The following SEPTIN6 variants were observed in gnomAD, a reference collection of about 807,000 sequenced individuals.
SEPTIN6 encodes the protein septin-6.
SEPTIN6 carries 8 observed loss-of-function variants against 33.6 expected under a neutral mutation model. That is an observed-to-expected ratio of 0.24 (90% CI 0.14 to 0.43). SEPTIN6 has a LOEUF of 0.43. Among genes scored for constraint, SEPTIN6 ranks in the 20% least tolerant of loss-of-function variants. SEPTIN6 has a pLI of 1.00. For synonymous variants in SEPTIN6, 131 were observed against 140.0 expected (o/e 0.94, Z 0.45); for missense variants, 250 against 340.8 (o/e 0.73, Z 2.10).
intron 7 of SEPTIN6, among the ~76,000 whole-genome samples, chrX:119,634,881 C>T (rs778643505): frequency 4.6e-5 from 5 of 108,995 alleles, no homozygotes; most frequent in Admixed American, 9.8e-5. Context: ...AGGTGGTGGG[C>T]GCCTGTAATC....
chrX:119,616,228 T>C (rs2053663912), downstream of SEPTIN6: 1 of 284,560 alleles, frequency 3.5e-6, no homozygotes, highest in Non-Finnish European at 6.4e-6. Context: ...GGTCTGCGAA[T>C]GCTGAAGAAG....
Position 119,649,964 on chromosome X carries a change from C to T in SEPTIN6, c.663G>A (p.Ser221=), listed in dbSNP as rs761312773. 25 of 1,209,666 alleles carry T rather than the reference C, an allele frequency of 2.1e-5. No individual in the cohort carries two copies. The highest frequency in any genetic ancestry group is 5.3e-5 in the South Asian group (3 of 56,840). Residue 221 remains serine (S), a synonymous_variant, in exon 5 of 11, where the codon TCG becomes TCA. Coordinates refer to ENST00000394610, the MANE Select transcript of SEPTIN6 (RefSeq NM_145799.4). ...TCATGGTTCCATTGATCTCTGCCAC[C>T]GACTCATCATCTGTAGGAAACTGAT... ...QIYQFPTDDE[S]VAEINGTMNA...
rs1459840006 is a variant in SEPTIN6, at chrX:119,675,625, A to G, written c.74T>C (p.Phe25Ser). 2 of 1,166,197 alleles carry G rather than the reference A, an allele frequency of 1.7e-6. No homozygotes were observed. The highest frequency in any genetic ancestry group is 2.3e-6 in the Non-Finnish European group (2 of 869,210). ...CACCAGCTGGTCAGGCAAGCTGTCAAACCCCACATGTCCAGCCAGGGGGAC... is the reference window on the plus strand; with the variant it reads ...CACCAGCTGGTCAGGCAAGCTGTCAGACCCCACATGTCCAGCCAGGGGGAC... ...RTVPLAGHVG[F>S]DSLPDQLVNK... Residue 25 changes from phenylalanine to serine, a missense_variant, in exon 2 of 11, where the codon TTT (phenylalanine) becomes TCT (serine). By Grantham distance (155) the Phe-to-Ser change is radical. This residue lies in a region of SEPTIN6 where 111 missense variants were observed against 113.8 expected (regional missense o/e 0.98). Transcript: ENST00000394610.
intron 1 of SEPTIN6, among the ~76,000 whole-genome samples, chrX:119,691,934 A>C (rs186221386): frequency 1.7e-3 from 193 of 111,421 alleles, no homozygotes; most frequent in Non-Finnish European, 2.7e-3. Context: ...GGGCTTATTA[A>C]AGTCCCAGAT....
chrX:119,623,559 C>G (rs191073763), intron 10 of SEPTIN6, among the ~76,000 whole-genome samples: 1 of 112,068 alleles, frequency 8.9e-6, no homozygotes, highest in African/African-American at 3.2e-5. Flanking sequence ...AACCCTTCAT[C>G]GGGCGCGGTG....
At chrX:119,642,100 T>A (rs5957195) in intron 5 of SEPTIN6, among the ~76,000 whole-genome samples, 28,399 of 103,033 alleles carry the variant, frequency 0.28, 3,219 homozygotes, top group African/African-American at 0.37. Flanking sequence ...ATCAGGGTTG[T>A]ACCAGAAGTG....
At chrX:119,664,570 G>A (rs2054602175) in intron 2 of SEPTIN6, among the ~76,000 whole-genome samples, 2 of 110,256 alleles carry the variant, frequency 1.8e-5, no homozygotes, top group African/African-American at 6.6e-5. Flanking sequence ...GCTCACACCT[G>A]TAATCCTAGC....
intron 10 of SEPTIN6, among the ~76,000 whole-genome samples, chrX:119,620,407 C>CTCCCGGGT (rs1321428463): frequency 9.5e-6 from 1 of 105,582 alleles, no homozygotes; most frequent in Non-Finnish European, 2.0e-5. Flanking sequence ...CAAGCTCTGC[C>CTCCCGGGT]TCCCGGGTTC....
chrX:119,650,274 C>T (rs1239526823), intron 4 of SEPTIN6, among the ~76,000 whole-genome samples, 176 bp from the exon 5 acceptor site: 1 of 112,182 alleles, frequency 8.9e-6, no homozygotes, highest in Non-Finnish European at 1.9e-5. Context: ...ATGTGCTGGG[C>T]ACTGAACTAA....
At chrX:119,634,663 A>G (rs1243314030) in intron 7 of SEPTIN6, among the ~76,000 whole-genome samples, 3 of 111,629 alleles carry the variant, frequency 2.7e-5, no homozygotes, top group Non-Finnish European at 3.8e-5. Flanking sequence ...GAGAAGGACC[A>G]TTCCGGCTGT....
intron 3 of SEPTIN6, among the ~76,000 whole-genome samples, chrX:119,662,740 T>C (rs2054570728): frequency 8.9e-6 from 1 of 112,591 alleles, no homozygotes; most frequent in Non-Finnish European, 1.9e-5. Flanking sequence ...ACATTGTGAT[T>C]GAACATTAGT....
At chrX:119,624,170 T>C in intron 10 of SEPTIN6, 1 of 243,914 alleles carries the variant, frequency 4.1e-6, no homozygotes, top group South Asian at 4.1e-5. Flanking sequence ...TTTTTTTTTG[T>C]TTGTTTGTTT....
At chrX:119,667,513 T>A (rs186210630) in intron 2 of SEPTIN6, among the ~76,000 whole-genome samples, 39 of 111,232 alleles carry the variant, frequency 3.5e-4, no homozygotes, top group Non-Finnish European at 6.8e-4. Flanking sequence ...AATGCAATAG[T>A]AGAGAGGGCA....
At chrX:119,644,838 G>A (rs992046826) in intron 5 of SEPTIN6, among the ~76,000 whole-genome samples, 8 of 108,417 alleles carry the variant, frequency 7.4e-5, no homozygotes, top group African/African-American at 2.7e-4. Flanking sequence ...CCGACAGAGC[G>A]AGACTCCATC....
At chrX:119,663,360 C>T in intron 3 of SEPTIN6, 122 bp downstream of exon 3, 1 of 579,713 alleles carries the variant, frequency 1.7e-6, no homozygotes, top group South Asian at 3.5e-5. Context: ...GCTGCCCACA[C>T]CATTCTGGGA....
At chrX:119,657,811 C>T (rs1277308342) in intron 3 of SEPTIN6, among the ~76,000 whole-genome samples, 1 of 112,086 alleles carries the variant, frequency 8.9e-6, no homozygotes. Context: ...CCGCGCTTAA[C>T]CTAAATTTAT....
intron 3 of SEPTIN6, among the ~76,000 whole-genome samples, chrX:119,662,420 C>G (rs1022457087): frequency 2.7e-5 from 3 of 111,926 alleles, no homozygotes; most frequent in African/African-American, 6.5e-5. Flanking sequence ...CTCTCCAAAG[C>G]TGGAAATTTG....
rs1225693983 is a variant in SEPTIN6, at chrX:119,643,453, G to T, written c.691-2665C>A. ...TACAAAAATGTCAGTATTCCCTCGG[G>T]CCTGTTGCATTTTTACCATCAAGAG... On this transcript the variant is annotated intron_variant, in intron 5 of 10. Transcript: ENST00000394610. Among the ~76,000 whole-genome samples, 5 of 110,006 alleles carry T rather than the reference G, an allele frequency of 4.5e-5. No individual in the cohort carries two copies. In the Admixed American group the frequency reaches 4.9e-4, roughly 11 times the overall value.
At position 119,619,712 on chromosome X, in the gene SEPTIN6, A is replaced by C. The variant is rs1485315504; in HGVS notation, c.*381T>G. ...AAATACCTCAGGGAAACTAACAGCA[A>C]CCAGAACTGGAACAGGGGAGCTGGT... On this transcript the variant is annotated 3_prime_UTR_variant, in exon 11 of 11. Coordinates refer to ENST00000394610, the MANE Select transcript of SEPTIN6 (RefSeq NM_145799.4). The C allele has an allele frequency of 2.1e-6, 2 of 941,116 alleles. No individual in the cohort carries two copies. The highest frequency in any genetic ancestry group is 4.1e-5 in the African/African-American group (2 of 49,109). 77.6% of individuals were successfully genotyped at this position (941,116 alleles called of 1,213,427 possible).
Sources: gnomAD v4.1 joint callset for allele counts (sites outside exome capture counted in the v4.1 genomes callset) on GRCh38, gnomAD v4.1.1 for gene constraint, gnomAD v4.1.1 regional missense constraint, MANE v1.5 for transcripts, NCBI Gene and HGNC (gene_info 2026-07-23, HGNC 2026-07-21) for gene names.